ARID4B: variants seen among roughly 807,000 people sequenced by gnomAD.
ARID4B encodes AT-rich interactive domain-containing protein 4B.
ARID4B carries 26 observed loss-of-function variants against 147.5 expected under a neutral mutation model. That is an observed-to-expected ratio of 0.18 (90% CI 0.13 to 0.24). The LOEUF (loss-of-function observed/expected upper bound fraction) is 0.24, where lower values mean the gene tolerates loss of function less well. Ranked by LOEUF, ARID4B falls within the 10% of genes least tolerant of loss-of-function variation. The pLI is 1.00. For synonymous variants in ARID4B, 512 were observed against 507.9 expected, an observed-to-expected ratio of 1.01 and a Z score of -0.11; for missense variants, 1,179 against 1,511.5, an observed-to-expected ratio of 0.78 and a Z score of 3.65.
chr1:235,305,506 G>A (rs1318213357), intron 2 of ARID4B, among the ~76,000 whole-genome samples: 1 of 152,134 alleles, frequency 6.6e-6, no homozygotes, highest in Non-Finnish European at 1.5e-5. Context: ...ATATTAGTAG[G>A]AGCTCTGGTT....
chr1:235,198,009 G>T (rs1665619377), intron 17 of ARID4B, among the ~76,000 whole-genome samples: 2 of 152,182 alleles, frequency 1.3e-5, no homozygotes, highest in Admixed American at 1.3e-4. Context: ...GTAGATTTCA[G>T]TATGAACTCC....
intron 2 of ARID4B, among the ~76,000 whole-genome samples, chr1:235,314,130 C>T (rs758940835): frequency 1.3e-5 from 2 of 152,018 alleles, no homozygotes; most frequent in Non-Finnish European, 2.9e-5. Flanking sequence ...TAGATGAGGA[C>T]ACCAGTCTTC....
At chr1:235,224,813 T>A in intron 11 of ARID4B, 38 bp from the exon 12 acceptor site, 1 of 1,357,378 alleles carries the variant, frequency 7.4e-7, no homozygotes, top group Non-Finnish European at 1.0e-6. Flanking sequence ...TTTCTTCAAT[T>A]AAGCATTTTA....
chr1:235,196,768 G>GT (rs1333406141), intron 17 of ARID4B, among the ~76,000 whole-genome samples: 1 of 150,444 alleles, frequency 6.6e-6, no homozygotes, highest in African/African-American at 2.5e-5. Flanking sequence ...CAGAAGAATC[G>GT]TGTGAACCCA....
chr1:235,191,126 C>A (rs1665071070), intron 19 of ARID4B, among the ~76,000 whole-genome samples: 1 of 152,088 alleles, frequency 6.6e-6, no homozygotes, highest in Non-Finnish European at 1.5e-5. Flanking sequence ...ACATTCTGAC[C>A]TACTTGTGAA....
rs1664345222 is a variant in ARID4B at position 235,181,991 on chromosome 1, C to T, written c.2928G>A (p.Glu976=). The T allele has an allele frequency of 1.2e-6, 2 of 1,614,024 alleles. No individual in the cohort carries two copies. Among genetic ancestry groups the T allele is most frequent in the South Asian group, 1.1e-5 (1 of 91,090 alleles). The change falls in exon 20 of 24, where the codon GAG becomes GAA. Residue 976 remains glutamate (E), a synonymous_variant. Transcript: ENST00000264183. ...CTAGTTCTACACTGGGTGAACAACT[C>T]TCCTCTTCAGCCACAGTCTGCAGTG... ...EESLQTVAEE[E]SCSPSVELEK...
chr1:235,172,561 G>C (rs1336275206), intron 23 of ARID4B, 57 bp downstream of exon 23: 2 of 1,274,744 alleles, frequency 1.6e-6, no homozygotes, highest in Admixed American at 6.2e-5. Flanking sequence ...CTGGCGACAA[G>C]AGTGAAACTC....
intron 2 of ARID4B, among the ~76,000 whole-genome samples, chr1:235,281,711 GAAAAAC>G (rs1261860026): frequency 4.6e-5 from 7 of 152,036 alleles, no homozygotes; most frequent in East Asian, 3.8e-4. Flanking sequence ...GCCTGCCTCA[GAAAAAC>G]AAAAACAAAA....
intron 2 of ARID4B, among the ~76,000 whole-genome samples, chr1:235,302,179 AGCAAAAAAAAACAAAGAAAC>A (rs1673214450): frequency 2.1e-5 from 2 of 96,218 alleles, no homozygotes; most frequent in Admixed American, 1.1e-4. Context: ...AAAAAAAAAC[AGCAAAAAAAAACAAAGAAAC>A]AAGGAAAAGG....
intron 2 of ARID4B, chr1:235,295,752 G>A: frequency 6.6e-6 from 1 of 152,528 alleles, no homozygotes; most frequent in Non-Finnish European, 1.5e-5. Context: ...GGAGGTTGCG[G>A]TGAGCCAAGA....
chr1:235,319,437 G>C (rs1181724791), intron 2 of ARID4B, among the ~76,000 whole-genome samples: 1 of 152,216 alleles, frequency 6.6e-6, no homozygotes, highest in Non-Finnish European at 1.5e-5. Context: ...TGAGCCCACT[G>C]AAGATCAAGG....
rs1337801038 is a variant in ARID4B, at chr1:235,255,642, G to T, written c.274+18C>A. 6.6e-7 allele frequency: 1 copy of T among 1,524,780 alleles called. No homozygotes were observed. Among genetic ancestry groups the T allele is most frequent in the Admixed American group, 2.1e-5 (1 of 46,996 alleles). The allele number at this position is 1,524,780 out of a possible 1,614,324, so 94.5% of individuals were successfully genotyped here. ...TGTAACTAAAAACACATTTTTAAAAGAAAATTTATTTTCTTACCTACAGTG... is the reference window on the plus strand; with the variant it reads ...TGTAACTAAAAACACATTTTTAAAATAAAATTTATTTTCTTACCTACAGTG... On this transcript the variant is annotated intron_variant, in intron 5 of 23. Coordinates refer to ENST00000264183, the MANE Select transcript of ARID4B (RefSeq NM_016374.6).
chr1:235,202,437 AT>A (rs1463609983), intron 17 of ARID4B, among the ~76,000 whole-genome samples: 1 of 151,456 alleles, frequency 6.6e-6, no homozygotes, highest in African/African-American at 2.4e-5. Flanking sequence ...TTCTATTGAG[AT>A]CACTTAACAT....
chr1:235,211,451 G>C (rs1334971500), intron 17 of ARID4B, among the ~76,000 whole-genome samples: 1 of 152,100 alleles, frequency 6.6e-6, no homozygotes, highest in South Asian at 2.1e-4. Context: ...ACTTCATAAA[G>C]GCCAAGAGGA....
At position 235,195,206 on chromosome 1, in the gene ARID4B, G is replaced by A. The variant is rs1665409440; in HGVS notation, c.1926+825C>T. 2.6e-5 allele frequency among the ~76,000 whole-genome samples: 4 copies of A among 151,986 alleles called. No homozygotes were observed. In the South Asian group the frequency reaches 8.3e-4, roughly 32 times the overall value. The stretch of plus-strand genomic sequence containing the variant: ...CTAATCAAACATTTAGGAAAATTTA[G>A]TCTTAGAATGAATAATTCTATCATA... On this transcript the variant is annotated intron_variant, in intron 18 of 23. Transcript: ENST00000264183.
chr1:235,198,849 C>T (rs768606035), intron 17 of ARID4B, among the ~76,000 whole-genome samples: 1 of 152,190 alleles, frequency 6.6e-6, no homozygotes, highest in Non-Finnish European at 1.5e-5. Context: ...CCTGTAATCC[C>T]AGCACTTTGG....
rs528734548 is a variant in ARID4B at position 235,177,868 on chromosome 1, C to A, written c.3380G>T (p.Ser1127Ile). Reference protein sequence around the residue: ...KRVKDAQGGGSSSKKQKRSHK... With the variant: ...KRVKDAQGGGISSKKQKRSHK... ...GCTTCTTTTCTGCTTTTTTGATGAA[C>A]TTCCTCCTCCCTGAGCATCTTTCAC... Residue 1127 changes from serine to isoleucine, a missense_variant, in exon 21 of 24, where the codon AGT becomes ATT. By Grantham distance (142) the Ser-to-Ile change is moderately radical (BLOSUM62 -2). Transcript: ENST00000264183. 1.9e-6 allele frequency: 3 copies of A among 1,611,388 alleles called. No individual in the cohort carries two copies. The African/African-American group carries it at 4.0e-5, about 21-fold the overall frequency.
At chr1:235,208,229 C>T (rs1024922079) in intron 17 of ARID4B, among the ~76,000 whole-genome samples, 1 of 152,136 alleles carries the variant, frequency 6.6e-6, no homozygotes, top group Non-Finnish European at 1.5e-5. Context: ...CCAACACACT[C>T]AACTAGTTTA....
intron 2 of ARID4B, among the ~76,000 whole-genome samples, chr1:235,325,540 C>T (rs1352349680): frequency 6.6e-6 from 1 of 152,166 alleles, no homozygotes; most frequent in East Asian, 1.9e-4. Flanking sequence ...ATTTATTCGG[C>T]TTCTGAACTT....
Sources: allele counts gnomAD v4.1 joint callset (sites outside exome capture counted in the v4.1 genomes callset), GRCh38; gene constraint gnomAD v4.1.1; transcripts MANE v1.5; gene names NCBI Gene and HGNC (gene_info 2026-07-23, HGNC 2026-07-21).